Variants in PRC1 observed in about 807,000 individuals in gnomAD.
PRC1 encodes anaphase spindle elongation 1 homolog.
Under a neutral mutation model 91.2 loss-of-function variants are expected in PRC1, and 54 were observed. The ratio of observed to expected loss-of-function variants is 0.59; its 90% CI spans 0.48 to 0.74. The LOEUF is 0.74. PRC1 is among the 30% of genes least tolerant of loss of function. The pLI is 0.00. For missense variants in PRC1, 727 were observed against 746.2 expected (o/e 0.97, Z 0.30); for synonymous variants, 275 against 263.6 (o/e 1.04, Z -0.42).
chr15:90,988,268 G>T (rs1023014670), intron 1 of PRC1: 2 of 152,154 alleles, frequency 1.3e-5, no homozygotes, highest in Admixed American at 1.3e-4. Flanking sequence ...GCCAATATTC[G>T]ATCTGGATGC....
chr15:90,990,390 AAT>A (rs1491429627), intron 1 of PRC1, among the ~76,000 whole-genome samples: 2,708 of 121,570 alleles, frequency 0.022, 86 homozygotes, highest in African/African-American at 0.11. Context: ...ATAAATAAAT[AAT>A]TTTTTTTTTT....
intron 14 of PRC1, chr15:90,967,972 G>A: frequency 4.1e-6 from 4 of 985,184 alleles, no homozygotes; most frequent in Non-Finnish European, 4.8e-6. Flanking sequence ...ACCTGCTGGT[G>A]ATTTGATCTC....
chr15:90,984,389 C>T lies in PRC1; in HGVS notation c.145-249G>A, dbSNP rs938755219. 2.6e-5 allele frequency among the ~76,000 whole-genome samples: 4 copies of T among 152,038 alleles called. No individual in the cohort carries two copies. The highest frequency in any genetic ancestry group is 7.2e-5 in the African/African-American group (3 of 41,380). On this transcript the variant is annotated intron_variant, in intron 2 of 14. Transcript: ENST00000394249. This position sits in a 1 kb window ranked among gnomAD's most constrained non-coding sequence, Gnocchi z 5.1. ...GATTACAGGTGCTCACCACCATGCC[C>T]GGCTAATTTTTTTATTTTTAGTAGA...
chr15:90,975,437 T>C (rs1225511602), intron 9 of PRC1, among the ~76,000 whole-genome samples: 1 of 152,184 alleles, frequency 6.6e-6, no homozygotes, highest in Non-Finnish European at 1.5e-5. Context: ...ATGGAAAGAA[T>C]ACCGACCTCA....
chr15:90,986,913 C>A (rs1198514526), intron 1 of PRC1, among the ~76,000 whole-genome samples: 1 of 150,810 alleles, frequency 6.6e-6, no homozygotes, highest in African/African-American at 2.4e-5. Context: ...ACACTTTAGG[C>A]TGAGCAAATG....
Position 90,976,762 on chromosome 15 carries a change from A to T in PRC1, c.1117T>A (p.Ser373Thr), listed in dbSNP as rs1475900856. 1 of 1,611,622 alleles carries T rather than the reference A, an allele frequency of 6.2e-7. No individual in the cohort carries two copies. The highest frequency in any genetic ancestry group is 8.5e-7 in the Non-Finnish European group (1 of 1,178,330). Residue 373 changes from serine (S) to threonine (T), a missense_variant, in exon 9 of 15, where the codon TCA becomes ACA. Transcript: ENST00000394249. Reference sequence around the variant, plus strand: ...CGGTTTGTAAATCGATTTGGATCTGAAGCTTTTCTCTGTGAAAAATACATT... The same window carrying T: ...CGGTTTGTAAATCGATTTGGATCTGTAGCTTTTCTCTGTGAAAAATACATT... ...RLFLEFERKA[S>T]DPNRFTNRGG...
At position 90,983,957 on chromosome 15, in the gene PRC1, G is replaced by A. The variant is rs1044215896; in HGVS notation, c.267+61C>T. On this transcript the variant is annotated intron_variant, in intron 3 of 14. Coordinates refer to ENST00000394249, the MANE Select transcript of PRC1 (RefSeq NM_003981.4). ...CTTCCATCTGCAGGCCCAAGTCAACGTTGCTTTCTAAGTCTCAGGCCCCAG... is the reference window on the plus strand; with the variant it reads ...CTTCCATCTGCAGGCCCAAGTCAACATTGCTTTCTAAGTCTCAGGCCCCAG... The A allele has an allele frequency of 2.5e-5, 40 of 1,582,328 alleles. No homozygotes were observed. The South Asian group carries it at 3.5e-4, about 14-fold the overall frequency.
At chr15:90,981,379 C>T in intron 5 of PRC1, 120 bp downstream of exon 5, 1 of 1,163,418 alleles carries the variant, frequency 8.6e-7, no homozygotes, top group Non-Finnish European at 1.2e-6. Context: ...CTATCCTTAG[C>T]TTCCCTCATT....
Position 90,974,471 on chromosome 15 carries a change from C to T in PRC1, c.1350+114G>A, listed in dbSNP as rs957093043. On this transcript the variant is annotated intron_variant, in intron 10 of 14. Transcript: ENST00000394249. This position sits in a 1 kb window ranked among gnomAD's most constrained non-coding sequence, Gnocchi z 4.6. ...CCCCGGTCCCCGGCTTCCCGTTCCA[C>T]AAGCCCCGGTCCCCGGCTCCCTGTT... The T allele has an allele frequency of 6.1e-6, 9 of 1,468,002 alleles. No homozygotes were observed. In the African/African-American group the frequency reaches 1.3e-4, roughly 21 times the overall value. The allele number at this position is 1,468,002 out of a possible 1,614,324, so 90.9% of individuals were successfully genotyped here. A position where few individuals can be genotyped will look rare whatever the true frequency, so the allele number is the denominator to read the frequency against.
At position 90,984,420 on chromosome 15, in the gene PRC1, A is replaced by T. The variant is rs1368301114; in HGVS notation, c.144+273T>A. Among the ~76,000 whole-genome samples the T allele has an allele frequency of 2.0e-5, 3 of 151,890 alleles. No homozygotes were observed. Among genetic ancestry groups the T allele is most frequent in the African/African-American group, 7.3e-5 (3 of 41,346 alleles). Reference sequence around the variant, plus strand: ...ATTTTTTTATTTTTAGTAGAGACGGAGGTTCACCATGTTGATCAGGCTGGT... The same window carrying T: ...ATTTTTTTATTTTTAGTAGAGACGGTGGTTCACCATGTTGATCAGGCTGGT... On this transcript the variant is annotated intron_variant, in intron 2 of 14. Transcript: ENST00000394249. The surrounding 1 kb of genome is among the most constrained non-coding windows in gnomAD (Gnocchi z 5.1).
At chr15:90,992,770 A>C (rs1033456141) in intron 1 of PRC1, among the ~76,000 whole-genome samples, 1 of 152,138 alleles carries the variant, frequency 6.6e-6, no homozygotes, top group Non-Finnish European at 1.5e-5. Flanking sequence ...ACTCAAGGAC[A>C]AAAAGGTTGT....
intron 7 of PRC1, 75 bp downstream of exon 7, chr15:90,980,167 C>G: frequency 6.9e-7 from 1 of 1,457,166 alleles, no homozygotes; most frequent in Non-Finnish European, 9.1e-7. Context: ...AGCCTAGGAA[C>G]TTGAGACTAG....
At chr15:90,968,869 G>T in intron 14 of PRC1, 1 of 1,376,264 alleles carries the variant, frequency 7.3e-7, no homozygotes. Flanking sequence ...TTTAGGGGCT[G>T]AGAATCCAAT....
chr15:90,971,282 G>C (rs1314161638), intron 11 of PRC1, among the ~76,000 whole-genome samples: 1 of 152,134 alleles, frequency 6.6e-6, no homozygotes, highest in East Asian at 1.9e-4. Context: ...ATATGCTAAT[G>C]ATAAGAGCTG....
At chr15:90,979,410 C>T (rs1301434811) in intron 7 of PRC1, 116 bp from the exon 8 acceptor site, 3 of 1,198,694 alleles carry the variant, frequency 2.5e-6, no homozygotes, top group East Asian at 2.4e-5. Flanking sequence ...TAAACTGATA[C>T]AGGAAGAGGC....
rs948016764 is a variant in PRC1 at position 90,994,499 on chromosome 15, G to A, written c.-82C>T. 5.3e-5 allele frequency: 81 copies of A among 1,516,236 alleles called. 1 individual carries two copies. Among genetic ancestry groups the A allele is most frequent in the Non-Finnish European group, 6.7e-5 (75 of 1,121,132 alleles). The allele number at this position is 1,516,236 out of a possible 1,614,324, so 93.9% of individuals were successfully genotyped here. A position where few individuals can be genotyped will look rare whatever the true frequency, so the allele number is the denominator to read the frequency against. ...AGAGCAACAACCACCCGCAAACACC[G>A]GCGATGTCACTCCGCGTAGCCGCTC... On this transcript the variant is annotated 5_prime_UTR_variant, in exon 1 of 15. Transcript: ENST00000394249.
Position 90,974,128 on chromosome 15 carries a change from G to C in PRC1, c.1461+8C>G. 1 of 1,610,768 alleles carries C rather than the reference G, an allele frequency of 6.2e-7. No homozygotes were observed. The highest frequency in any genetic ancestry group is 8.5e-7 in the Non-Finnish European group (1 of 1,176,956). ...TGAAATCAGTGTTTCCCTAAGCCTT[G>C]TGTTTACCTTACGTGCTTTGCCCGG... is the stretch of plus-strand genomic sequence containing the variant. On this transcript the variant is annotated splice_region_variant and intron_variant, in intron 11 of 14. Coordinates refer to ENST00000394249, the MANE Select transcript of PRC1 (RefSeq NM_003981.4). The surrounding 1 kb of genome is among the most constrained non-coding windows in gnomAD (Gnocchi z 4.6).
At chr15:90,970,588 A>G (rs1327060054) in intron 11 of PRC1, 74 bp from the exon 12 acceptor site, 4 of 1,094,610 alleles carry the variant, frequency 3.7e-6, no homozygotes, top group Non-Finnish European at 5.4e-6. Context: ...TCTACCCTAC[A>G]GAGAAATGAC....
chr15:90,968,200 A>G, intron 14 of PRC1: 3 of 985,426 alleles, frequency 3.0e-6, no homozygotes, highest in Non-Finnish European at 3.6e-6. Flanking sequence ...ACAAGCGAAA[A>G]AGAGAAAGCT....
Sources: gnomAD v4.1 joint callset for allele counts (sites outside exome capture counted in the v4.1 genomes callset) on GRCh38, gnomAD v4.1.1 for gene constraint, Gnocchi (gnomAD v3.1) non-coding constraint, MANE v1.5 for transcripts, NCBI Gene and HGNC (gene_info 2026-07-23, HGNC 2026-07-21) for gene names.